IL33: variants seen among roughly 807,000 people sequenced by gnomAD.
IL33 encodes interleukin 33.
In IL33, 37 loss-of-function variants were observed where a neutral mutation model predicts 27.3. The observed-to-expected ratio is 1.36, with a 90% CI of 1.04 to 1.78. IL33 has a LOEUF of 1.78. Among genes scored for constraint, IL33 ranks in the 40% most tolerant of loss-of-function variants. IL33 has a pLI of 0.00. For missense variants in IL33, 406 were observed against 311.4 expected (o/e 1.30, Z -2.29); for synonymous variants, 132 against 102.9 (o/e 1.28, Z -1.71).
chr9:6,250,705 G>A (rs1816302379), intron 3 of IL33, 106 bp downstream of exon 3: 1 of 1,320,104 alleles, frequency 7.6e-7, no homozygotes, highest in African/African-American at 1.5e-5. Flanking sequence ...GGTTCCTTTT[G>A]GAAAATATTA....
intron 1 of IL33, among the ~76,000 whole-genome samples, chr9:6,238,763 T>A (rs1819370653): frequency 6.6e-6 from 1 of 152,168 alleles, no homozygotes; most frequent in African/African-American, 2.4e-5. Context: ...CAATAATTAT[T>A]GATAGAATTG....
intron 2 of IL33, among the ~76,000 whole-genome samples, chr9:6,247,967 C>T (rs187363817): frequency 1.3e-5 from 2 of 151,982 alleles, no homozygotes; most frequent in African/African-American, 4.8e-5. Context: ...AGTATTGTGA[C>T]CCTCACTTTT....
At chr9:6,228,477 TAAACTA>T (rs1818751838) in intron 1 of IL33, among the ~76,000 whole-genome samples, 1 of 152,060 alleles carries the variant, frequency 6.6e-6, no homozygotes, top group African/African-American at 2.4e-5. Context: ...ACTTTAGAGT[TAAACTA>T]AAACCAAAGG....
chr9:6,218,880 CATATATATATATGTTCTCCATATATAT>C lies in IL33; in HGVS notation c.-12+3041_-12+3067del, dbSNP rs1818285121. Among the ~76,000 whole-genome samples the C allele has an allele frequency of 2.1e-4, 12 of 56,284 alleles. No individual in the cohort carries two copies. The South Asian group carries it at 2.9e-3, about 13-fold the overall frequency. The allele number at this position is 56,284 out of a possible 152,430, so 36.9% of individuals were successfully genotyped here. A position where few individuals can be genotyped will look rare whatever the true frequency, so the allele number is the denominator to read the frequency against. ...GTTCTCCATATATATATATGTTCTC[CATATATATATATGTTCTCCATATATAT>C]ATATATATATATATATATATATATA... is the stretch of plus-strand genomic sequence containing the variant. On this transcript the variant is annotated intron_variant, in intron 1 of 7. Coordinates refer to ENST00000682010, the MANE Select transcript of IL33 (RefSeq NM_033439.4).
At chr9:6,240,635 C>G (rs1819474426) in intron 1 of IL33, among the ~76,000 whole-genome samples, 1 of 152,146 alleles carries the variant, frequency 6.6e-6, no homozygotes. Flanking sequence ...GCTTGCAGGA[C>G]TGGAAAATGA....
At chr9:6,252,053 A>AAC (rs1564073142) in intron 4 of IL33, among the ~76,000 whole-genome samples, 3 of 15,888 alleles carry the variant, frequency 1.9e-4, no homozygotes, top group African/African-American at 4.1e-4. Context: ...ACAAACAAAC[A>AAC]AACAAAAAAA....
chr9:6,236,575 T>C (rs1819223226), intron 1 of IL33, among the ~76,000 whole-genome samples: 2 of 152,192 alleles, frequency 1.3e-5, no homozygotes, highest in South Asian at 4.1e-4. Context: ...TCTTTGACAG[T>C]GCTACAACTA....
In IL33 at chr9:6,256,369, T is replaced by C; in HGVS notation, c.*201T>C. On this transcript the variant is annotated 3_prime_UTR_variant, in exon 8 of 8. Coordinates refer to ENST00000682010, the MANE Select transcript of IL33 (RefSeq NM_033439.4). ...TATTTCCCTCTGTATAACTGCATCTTCAATACAAGTATCAGTATATTAAAT... is the reference window on the plus strand; with the variant it reads ...TATTTCCCTCTGTATAACTGCATCTCCAATACAAGTATCAGTATATTAAAT... The C allele has an allele frequency of 7.1e-6, 4 of 565,934 alleles. No individual in the cohort carries two copies. The highest frequency in any genetic ancestry group is 1.2e-5 in the Non-Finnish European group (4 of 322,578). 35.1% of individuals were successfully genotyped at this position (565,934 alleles called of 1,614,324 possible).
At chr9:6,218,350 A>G (rs998248061) in intron 1 of IL33, among the ~76,000 whole-genome samples, 1 of 152,158 alleles carries the variant, frequency 6.6e-6, no homozygotes, top group Non-Finnish European at 1.5e-5. Context: ...TAGAGAGAAA[A>G]GAATCCTGAG....
At chr9:6,240,095 T>C (rs1819443617) in intron 1 of IL33, among the ~76,000 whole-genome samples, 1 of 152,222 alleles carries the variant, frequency 6.6e-6, no homozygotes, top group Non-Finnish European at 1.5e-5. Flanking sequence ...TCAGTACCAG[T>C]ATTTCCACTA....
rs1816615659 is a variant in IL33, at chr9:6,254,569, T to A, written c.612+16T>A. ...CTCTGTGGAGGTAAAAAAAAAAAAT[T>A]TATCTATATCTATATATATGATTAC... On this transcript the variant is annotated intron_variant, in intron 7 of 7. Coordinates refer to ENST00000682010, the MANE Select transcript of IL33 (RefSeq NM_033439.4). 3 of 1,323,652 alleles carry A rather than the reference T, an allele frequency of 2.3e-6. No individual in the cohort carries two copies. Among genetic ancestry groups the A allele is most frequent in the Non-Finnish European group, 3.1e-6 (3 of 959,268 alleles). The allele number at this position is 1,323,652 out of a possible 1,614,324, so 82.0% of individuals were successfully genotyped here. A position where few individuals can be genotyped will look rare whatever the true frequency, so the allele number is the denominator to read the frequency against.
At chr9:6,234,752 G>C (rs1487185117) in intron 1 of IL33, among the ~76,000 whole-genome samples, 2 of 79,970 alleles carry the variant, frequency 2.5e-5, no homozygotes, top group Non-Finnish European at 6.1e-5. Context: ...CATTCTTTTT[G>C]CCTCCGTCTC....
At chr9:6,218,899 CATATATATAT>C (rs200982905) in intron 1 of IL33, among the ~76,000 whole-genome samples, 1,611 of 22,658 alleles carry the variant, frequency 0.071, 173 homozygotes, top group African/African-American at 0.11. Flanking sequence ...ATATGTTCTC[CATATATATAT>C]ATATATATAT....
intron 1 of IL33, among the ~76,000 whole-genome samples, chr9:6,241,442 C>A (rs891706122): frequency 1.3e-5 from 2 of 152,172 alleles, no homozygotes; most frequent in Non-Finnish European, 2.9e-5. Context: ...TTATCAGCTC[C>A]ACTATAATCT....
rs1354698452 is a variant in IL33, at chr9:6,243,185, A to C, written c.91+1400A>C. ...CAACCAAAGCCAAACCATAGAAATA[A>C]AGCAGAACCAACAAATGATGCTCAA... On this transcript the variant is annotated intron_variant, in intron 2 of 7. Transcript: ENST00000682010. Among the ~76,000 whole-genome samples, 6 of 152,288 alleles carry C rather than the reference A, an allele frequency of 3.9e-5. No individual in the cohort carries two copies. The South Asian group carries it at 8.3e-4, about 21-fold the overall frequency.
chr9:6,252,025 G>T (rs1033681313), intron 4 of IL33, among the ~76,000 whole-genome samples: 1 of 138,214 alleles, frequency 7.2e-6, no homozygotes. Flanking sequence ...CAACAAGAGC[G>T]GCTGTCTCAG....
chr9:6,230,957 C>T (rs767154406), intron 1 of IL33, among the ~76,000 whole-genome samples: 4 of 152,286 alleles, frequency 2.6e-5, no homozygotes, highest in African/African-American at 9.6e-5. Flanking sequence ...AAAAGGGAGA[C>T]AATCATATCC....
chr9:6,223,500 T>C (rs983784556), intron 1 of IL33, among the ~76,000 whole-genome samples: 1 of 152,038 alleles, frequency 6.6e-6, no homozygotes, highest in African/African-American at 2.4e-5. Flanking sequence ...ATATATAATA[T>C]TATTTTCTTG....
chr9:6,216,732 G>C (rs1818162375), intron 1 of IL33, among the ~76,000 whole-genome samples: 1 of 152,104 alleles, frequency 6.6e-6, no homozygotes, highest in Non-Finnish European at 1.5e-5. Flanking sequence ...TGGGTAACAA[G>C]AGCTAAATGT....
Sources: allele counts gnomAD v4.1 joint callset (sites outside exome capture counted in the v4.1 genomes callset), GRCh38; gene constraint gnomAD v4.1.1; transcripts MANE v1.5; gene names NCBI Gene and HGNC (gene_info 2026-07-23, HGNC 2026-07-21).